NUP98: variants seen among roughly 807,000 people sequenced by gnomAD.
The protein encoded by NUP98 is nucleoporin 98 and 96 precursor, also known as nuclear pore complex protein Nup98-Nup96.
NUP98 carries 26 observed loss-of-function variants against 191.9 expected under a neutral mutation model. That is an observed-to-expected ratio of 0.14 (90% CI 0.10 to 0.19). The LOEUF is 0.19. NUP98 is among the 10% of genes least tolerant of loss of function. The pLI is 1.00. For synonymous variants in NUP98, 808 were observed against 778.4 expected, an observed-to-expected ratio of 1.04 and a Z score of -0.63; for missense variants, 1,941 against 2,178.8, an observed-to-expected ratio of 0.89 and a Z score of 2.17.
intron 22 of NUP98, 81 bp downstream of exon 22, chr11:3,705,119 T>C (rs1564824459): frequency 2.9e-6 from 4 of 1,372,396 alleles, no homozygotes; most frequent in South Asian, 1.2e-5. Context: ...AGAAGTCCAC[T>C]TGGGTTAGAA....
chr11:3,703,818 T>TA (rs1468251891), intron 22 of NUP98, among the ~76,000 whole-genome samples: 9 of 152,100 alleles, frequency 5.9e-5, no homozygotes, highest in East Asian at 5.8e-4. Context: ...GACAGTTCTT[T>TA]AAAAAAAAAT....
chr11:3,685,782 T>G (rs753077681), intron 29 of NUP98, among the ~76,000 whole-genome samples, 191 bp downstream of exon 29: 2 of 152,182 alleles, frequency 1.3e-5, no homozygotes, highest in Admixed American at 6.5e-5. Flanking sequence ...GAAGTCTCAG[T>G]TTTAACTGGT....
intron 26 of NUP98, among the ~76,000 whole-genome samples, chr11:3,693,846 T>C (rs2078402875): frequency 6.6e-6 from 1 of 152,138 alleles, no homozygotes. Context: ...TACTTTAAGA[T>C]AATAATATAA....
At chr11:3,680,387 A>G (rs552743446) in intron 30 of NUP98, among the ~76,000 whole-genome samples, 3 of 152,178 alleles carry the variant, frequency 2.0e-5, no homozygotes, top group African/African-American at 7.2e-5. Context: ...CTCCATTTCT[A>G]ATTCTAGTTA....
intron 10 of NUP98, among the ~76,000 whole-genome samples, chr11:3,757,087 C>CA (rs1199481122): frequency 8.0e-5 from 11 of 137,456 alleles, no homozygotes; most frequent in Middle Eastern, 3.8e-3. Flanking sequence ...GACTCCATCT[C>CA]AAAAAAAAAA....
In NUP98 at chr11:3,755,368, G is replaced by A. The variant is rs139878467; in HGVS notation, c.1175-1960C>T. On this transcript the variant is annotated intron_variant, in intron 10 of 32. Coordinates refer to ENST00000324932, the MANE Select transcript of NUP98 (RefSeq NM_016320.5). ...AATCCCAGCAATTTGGGAGGCTGACGCAGGAAGATCGCTTGAACCAAGGAG... is the reference window on the plus strand; with the variant it reads ...AATCCCAGCAATTTGGGAGGCTGACACAGGAAGATCGCTTGAACCAAGGAG... 2.2e-3 allele frequency among the ~76,000 whole-genome samples: 335 copies of A among 151,828 alleles called. 3 individuals are homozygous for A. The highest frequency in any genetic ancestry group is 7.6e-3 in the African/African-American group (316 of 41,410).
chr11:3,782,570 ATTTTTTTTTTT>A (rs35916882), intron 1 of NUP98, among the ~76,000 whole-genome samples: 2 of 117,446 alleles, frequency 1.7e-5, no homozygotes, highest in Middle Eastern at 4.7e-3. Flanking sequence ...AAAAGCTAAC[ATTTTTTTTTTT>A]TTTTTTTTTT....
At position 3,776,801 on chromosome 11, in the gene NUP98, A is replaced by T. The variant is rs111301757; in HGVS notation, c.356-780T>A. ...GCCACAGTGCCCGGCCCAAATAGAA[A>T]TTCATACAGAAAGATACGTACTTCC... On this transcript the variant is annotated intron_variant, in intron 4 of 32. Transcript: ENST00000324932. Among the ~76,000 whole-genome samples the T allele has an allele frequency of 2.6e-5, 4 of 152,054 alleles. No homozygotes were observed. In the South Asian group the frequency reaches 6.2e-4, roughly 24 times the overall value.
At chr11:3,731,309 T>A in intron 14 of NUP98, 82 bp downstream of exon 14, 1 of 929,004 alleles carries the variant, frequency 1.1e-6, no homozygotes, top group South Asian at 3.4e-5. Context: ...ATCTATAATA[T>A]ATTTAAATAA....
rs58867754 is a variant in NUP98 at position 3,753,755 on chromosome 11, C to CAAAAAAAAAAAA, written c.1175-359_1175-348dup. Among the ~76,000 whole-genome samples, 4 of 10,174 alleles carry CAAAAAAAAAAAA rather than the reference C, an allele frequency of 3.9e-4. 2 individuals are homozygous for CAAAAAAAAAAAA. The highest frequency in any genetic ancestry group is 4.5e-3 in the Admixed American group (2 of 442). 6.7% of individuals were successfully genotyped at this position (10,174 alleles called of 152,430 possible). Reference sequence around the variant, plus strand: ...GTGAAACCCCGTCTCTATAAAAATACAAAAAAAAAAAAAAAAAAAAAAAAA... The same window carrying CAAAAAAAAAAAA: ...GTGAAACCCCGTCTCTATAAAAATACAAAAAAAAAAAAAAAAAAAAAAAAAAAAAAAAAAAAA... On this transcript the variant is annotated intron_variant, in intron 10 of 32. Transcript: ENST00000324932.
chr11:3,751,557 C>G (rs1171582372), intron 11 of NUP98, among the ~76,000 whole-genome samples: 1 of 152,152 alleles, frequency 6.6e-6, no homozygotes, highest in Non-Finnish European at 1.5e-5. Flanking sequence ...TTTTTACCAG[C>G]ACTTACATCT....
At position 3,702,311 on chromosome 11, in the gene NUP98, ACACTCTCTCTCTCTCTCTCTCTCTCT is replaced by A. The variant is rs1405636260; in HGVS notation, c.3512+126_3512+151del. 4.1e-4 allele frequency: 172 copies of A among 424,058 alleles called. No homozygotes were observed. In the African/African-American group the frequency reaches 4.9e-3, roughly 12 times the overall value. 26.3% of individuals were successfully genotyped at this position (424,058 alleles called of 1,614,324 possible). On this transcript the variant is annotated intron_variant, in intron 23 of 32. Coordinates refer to ENST00000324932, the MANE Select transcript of NUP98 (RefSeq NM_016320.5). Reference sequence around the variant, plus strand: ...CACACACACACACACACACACACACACACTCTCTCTCTCTCTCTCTCTCTCTCTCTCTCTCTCTCTCTCTCTCTCTC... The same window carrying A: ...CACACACACACACACACACACACACACTCTCTCTCTCTCTCTCTCTCTCTC...
intron 11 of NUP98, among the ~76,000 whole-genome samples, chr11:3,750,309 G>A (rs540027721): frequency 1.6e-4 from 24 of 151,644 alleles, no homozygotes; most frequent in African/African-American, 4.4e-4. Flanking sequence ...TTAGTACAGA[G>A]AGGGTCTCCC....
chr11:3,679,367 G>C, intron 31 of NUP98, 187 bp downstream of exon 31: 1 of 732,276 alleles, frequency 1.4e-6, no homozygotes, highest in South Asian at 1.4e-5. Flanking sequence ...ACATAAAATA[G>C]CATTTTTAAG....
At chr11:3,710,541 C>A (rs1333959788) in intron 20 of NUP98, among the ~76,000 whole-genome samples, 2 of 152,098 alleles carry the variant, frequency 1.3e-5, no homozygotes, top group African/African-American at 4.8e-5. Context: ...AGGCCTCTCT[C>A]CCCCAAGAAA....
chr11:3,724,187 T>C (rs1252042257), intron 15 of NUP98, among the ~76,000 whole-genome samples: 1 of 152,038 alleles, frequency 6.6e-6, no homozygotes, highest in Non-Finnish European at 1.5e-5. Flanking sequence ...ATCCCAGCAC[T>C]TTGTGAGGCC....
At chr11:3,768,372 G>C (rs1226084074) in intron 8 of NUP98, among the ~76,000 whole-genome samples, 1 of 149,668 alleles carries the variant, frequency 6.7e-6, no homozygotes, top group Non-Finnish European at 1.5e-5. Flanking sequence ...AGTGAGCTGA[G>C]ACTGGGCCAC....
chr11:3,754,585 C>T (rs1017913399), intron 10 of NUP98, among the ~76,000 whole-genome samples: 2 of 152,088 alleles, frequency 1.3e-5, no homozygotes, highest in African/African-American at 2.4e-5. Context: ...GCTGATTACA[C>T]GTGAGAAGTC....
intron 4 of NUP98, among the ~76,000 whole-genome samples, chr11:3,777,945 TCCTAG>T (rs2081804836): frequency 6.6e-6 from 1 of 151,888 alleles, no homozygotes; most frequent in African/African-American, 2.4e-5. Context: ...ACACCTGTAA[TCCTAG>T]CACTTTGGGA....
Sources: gnomAD v4.1 joint callset for allele counts (sites outside exome capture counted in the v4.1 genomes callset) on GRCh38, gnomAD v4.1.1 for gene constraint, MANE v1.5 for transcripts, NCBI Gene and HGNC (gene_info 2026-07-23, HGNC 2026-07-21) for gene names.